Variants in SUPT3H observed in about 807,000 individuals in gnomAD.
SUPT3H encodes the protein transcription initiation protein SPT3 homolog.
A neutral mutation model predicts 44.3 loss-of-function variants in SUPT3H; 44 were observed. That is an observed-to-expected ratio of 0.99 (90% CI 0.78 to 1.28). The LOEUF (loss-of-function observed/expected upper bound fraction) is 1.28, where lower values mean the gene tolerates loss of function less well. Among genes scored for constraint, SUPT3H ranks in the 50% most tolerant of loss-of-function variants. SUPT3H has a pLI of 0.00. For missense variants in SUPT3H, 380 were observed against 387.1 expected (o/e 0.98, Z 0.15); for synonymous variants, 124 against 125.6 (o/e 0.99, Z 0.09).
chr6:45,270,011 T>C (rs1178777240), intron 2 of SUPT3H, among the ~76,000 whole-genome samples: 1 of 152,182 alleles, frequency 6.6e-6, no homozygotes, highest in Non-Finnish European at 1.5e-5. Flanking sequence ...CTATTCTAGA[T>C]ATTACAAATA....
Position 45,000,746 on chromosome 6 carries a change from G to A in SUPT3H, c.504+2907C>T, listed in dbSNP as rs1781908010. On this transcript the variant is annotated intron_variant, in intron 6 of 10. Coordinates refer to ENST00000371459, the MANE Select transcript of SUPT3H (RefSeq NM_003599.4). ...CTCTAGATTCCACTATTAAGCCTCTGATATGAAAACACAAGATAAAAAGTC... is the reference window on the plus strand; with the variant it reads ...CTCTAGATTCCACTATTAAGCCTCTAATATGAAAACACAAGATAAAAAGTC... Among the ~76,000 whole-genome samples the A allele has an allele frequency of 2.0e-5, 3 of 151,978 alleles. No individual in the cohort carries two copies. In the South Asian group the frequency reaches 6.2e-4, roughly 32 times the overall value.
intron 3 of SUPT3H, among the ~76,000 whole-genome samples, chr6:45,088,557 T>C (rs1356538076): frequency 6.6e-6 from 1 of 152,034 alleles, no homozygotes; most frequent in African/African-American, 2.4e-5. Context: ...TGCTCAAGAC[T>C]GTATAACTGG....
At chr6:45,333,838 G>T (rs1214916990) in intron 2 of SUPT3H, among the ~76,000 whole-genome samples, 1 of 150,874 alleles carries the variant, frequency 6.6e-6, no homozygotes, top group African/African-American at 2.4e-5. Context: ...TACACCCAAG[G>T]AACAAAAATC....
At chr6:44,946,333 T>C (rs1055638036) in intron 9 of SUPT3H, among the ~76,000 whole-genome samples, 2 of 152,206 alleles carry the variant, frequency 1.3e-5, no homozygotes, top group Non-Finnish European at 2.9e-5. Context: ...TTTTATTACT[T>C]AAGAAATATA....
chr6:45,033,018 C>T (rs1388213446), intron 3 of SUPT3H, among the ~76,000 whole-genome samples: 2 of 152,080 alleles, frequency 1.3e-5, no homozygotes, highest in Non-Finnish European at 2.9e-5. Context: ...CTACTGTGTG[C>T]TCTGTGAGAA....
rs188103884 is a variant in SUPT3H at position 45,284,759 on chromosome 6, C to G, written c.101+80442G>C. On this transcript the variant is annotated intron_variant, in intron 2 of 10. Transcript: ENST00000371459. The stretch of plus-strand genomic sequence containing the variant: ...ACTCATTTTATGAGGCCAGCATCAT[C>G]CTGATACCAAAGACTAGCAGAGACA... 4.6e-3 allele frequency among the ~76,000 whole-genome samples: 697 copies of G among 152,250 alleles called. 2 individuals are homozygous for G. Among genetic ancestry groups the G allele is most frequent in the Non-Finnish European group, 7.4e-3 (505 of 68,022 alleles).
In SUPT3H at chr6:45,079,272, C is replaced by T. The variant is rs142233014; in HGVS notation, c.186+26650G>A. Among the ~76,000 whole-genome samples the T allele has an allele frequency of 1.4e-3, 214 of 152,000 alleles. 2 individuals are homozygous for T. Among genetic ancestry groups the T allele is most frequent in the African/African-American group, 4.8e-3 (200 of 41,478 alleles). On this transcript the variant is annotated intron_variant, in intron 3 of 10. Coordinates refer to ENST00000371459, the MANE Select transcript of SUPT3H (RefSeq NM_003599.4). ...TTGCAGTGAGCTGAGATCACACTAC[C>T]GCACTCCAGCCTGGGCGCCAGAGTG...
intron 10 of SUPT3H, among the ~76,000 whole-genome samples, chr6:44,832,119 C>T (rs753999545): frequency 7.9e-5 from 12 of 151,860 alleles, no homozygotes; most frequent in Non-Finnish European, 1.3e-4. Flanking sequence ...AAAGGATGTA[C>T]ATTGTCTATG....
intron 3 of SUPT3H, among the ~76,000 whole-genome samples, chr6:45,049,709 AAAAC>A (rs1377417133): frequency 1.3e-5 from 2 of 152,272 alleles, no homozygotes; most frequent in Admixed American, 6.5e-5. Context: ...AAAGAAAACG[AAAAC>A]AAACAAGCAA....
chr6:44,847,141 A>G (rs1772008277), intron 10 of SUPT3H, among the ~76,000 whole-genome samples: 1 of 152,238 alleles, frequency 6.6e-6, no homozygotes, highest in Admixed American at 6.5e-5. Context: ...CCTTAGCATC[A>G]CAATGAAAGA....
intron 10 of SUPT3H, among the ~76,000 whole-genome samples, chr6:44,901,137 C>T (rs900041562): frequency 9.5e-5 from 14 of 147,260 alleles, no homozygotes; most frequent in Non-Finnish European, 2.2e-4. Flanking sequence ...CAAAGGAACG[C>T]AGCTCCTCAC....
chr6:44,838,644 C>G (rs1770374289), intron 10 of SUPT3H, among the ~76,000 whole-genome samples: 1 of 152,142 alleles, frequency 6.6e-6, no homozygotes, highest in Non-Finnish European at 1.5e-5. Flanking sequence ...AACTACCTAC[C>G]ACTAAAGAGC....
At chr6:45,055,455 C>T (rs1027263719) in intron 3 of SUPT3H, among the ~76,000 whole-genome samples, 1 of 152,130 alleles carries the variant, frequency 6.6e-6, no homozygotes, top group Non-Finnish European at 1.5e-5. Flanking sequence ...ACCAAAACAG[C>T]AGGGTACTGG....
intron 2 of SUPT3H, among the ~76,000 whole-genome samples, chr6:45,219,954 G>A (rs527704914): frequency 2.6e-4 from 38 of 143,614 alleles, no homozygotes; most frequent in Middle Eastern, 3.8e-3. Context: ...CAGGAGAATC[G>A]CTTGAACCTG....
rs1454521908 is a variant in SUPT3H, at chr6:44,826,992, C to T, written c.*2824G>A. ...GAAGGCAGGAAAGCTAATGGCATAA[C>T]CCTCTAAATGGCACGTTCAGAAAGT... On this transcript the variant is annotated 3_prime_UTR_variant, in exon 11 of 11. Coordinates refer to ENST00000371459, the MANE Select transcript of SUPT3H (RefSeq NM_003599.4). 6.6e-6 allele frequency among the ~76,000 whole-genome samples: 1 copy of T among 152,106 alleles called. No individual in the cohort carries two copies. The highest frequency in any genetic ancestry group is 1.9e-4 in the East Asian group (1 of 5,192).
chr6:45,203,087 AG>A (rs556469248), intron 2 of SUPT3H, among the ~76,000 whole-genome samples: 72 of 152,286 alleles, frequency 4.7e-4, no homozygotes, highest in African/African-American at 1.7e-3. Flanking sequence ...CACAGTTTGG[AG>A]GAAGATCTCG....
At chr6:44,907,360 T>C (rs6938262) in intron 10 of SUPT3H, among the ~76,000 whole-genome samples, 3,772 of 152,268 alleles carry the variant, frequency 0.025, 166 homozygotes, top group African/African-American at 0.085. Context: ...TTTTATGTAA[T>C]GTCTCAGTTT....
chr6:45,297,966 C>G lies in SUPT3H; in HGVS notation c.101+67235G>C, dbSNP rs1781559291. 2.6e-5 allele frequency among the ~76,000 whole-genome samples: 4 copies of G among 152,042 alleles called. No homozygotes were observed. In the South Asian group the frequency reaches 8.3e-4, roughly 32 times the overall value. On this transcript the variant is annotated intron_variant, in intron 2 of 10. Transcript: ENST00000371459. ...TTAGAGATAAAAAAGCATAAAAACA[C>G]AGAAGTTTAATAACAAGCTTCAGGC...
At chr6:45,297,055 C>T (rs1441157587) in intron 2 of SUPT3H, among the ~76,000 whole-genome samples, 1 of 147,018 alleles carries the variant, frequency 6.8e-6, no homozygotes, top group Non-Finnish European at 1.5e-5. Context: ...ACCTGTACCC[C>T]AATAACCTAC....
Sources: allele counts gnomAD v4.1 joint callset (sites outside exome capture counted in the v4.1 genomes callset), GRCh38; gene constraint gnomAD v4.1.1; transcripts MANE v1.5; gene names NCBI Gene and HGNC (gene_info 2026-07-23, HGNC 2026-07-21).